The following ASB2 variants were observed in gnomAD, a reference collection of about 807,000 sequenced individuals.
The protein encoded by ASB2 is ankyrin repeat and SOCS box containing 2, also known as ankyrin repeat and SOCS box protein 2.
Under a neutral mutation model 62.4 loss-of-function variants are expected in ASB2, and 58 were observed. The observed-to-expected ratio is 0.93, with a 90% CI of 0.75 to 1.16. ASB2 has a LOEUF of 1.16. ASB2 is among the 50% of genes most tolerant of loss of function. ASB2 has a pLI of 0.00. For synonymous variants in ASB2, 386 were observed against 385.3 expected (o/e 1.00, Z -0.02); for missense variants, 928 against 887.9 (o/e 1.05, Z -0.57).
At position 93,937,854 on chromosome 14, in the gene ASB2, G is replaced by C. The variant is rs749193769; in HGVS notation, c.1618-3C>G. 1.3e-6 allele frequency: 2 copies of C among 1,591,834 alleles called. No individual in the cohort carries two copies. The highest frequency in any genetic ancestry group is 1.7e-6 in the Non-Finnish European group (2 of 1,161,834). On this transcript the variant is annotated splice_polypyrimidine_tract_variant and splice_region_variant and intron_variant, in intron 8 of 9. Transcript: ENST00000555019. ...GGGGCAGATACGAACTCACAGAACTGAAAGAGAACATGCCGGGACCAAGAA... is the reference window on the plus strand; with the variant it reads ...GGGGCAGATACGAACTCACAGAACTCAAAGAGAACATGCCGGGACCAAGAA...
chr14:93,964,617 G>A lies in ASB2; in HGVS notation c.-73-5C>T, dbSNP rs914056867. On this transcript the variant is annotated splice_polypyrimidine_tract_variant and splice_region_variant and intron_variant, in intron 1 of 9. Transcript: ENST00000555019. ...GGAACAGCAAATCAGAAAACCCTGTGAGGAAACCAAAACCATCCTGGTCAC... is the reference window on the plus strand; with the variant it reads ...GGAACAGCAAATCAGAAAACCCTGTAAGGAAACCAAAACCATCCTGGTCAC... 2.2e-6 allele frequency: 3 copies of A among 1,392,236 alleles called. No homozygotes were observed. The highest frequency in any genetic ancestry group is 3.9e-5 in the Admixed American group (2 of 50,638). 86.2% of individuals were successfully genotyped at this position (1,392,236 alleles called of 1,614,324 possible).
intron 2 of ASB2, chr14:93,957,561 C>T (rs1006829074): frequency 4.5e-6 from 1 of 223,152 alleles, no homozygotes; most frequent in Non-Finnish European, 7.5e-6. Context: ...GCCTTAGTCC[C>T]CGCTCCTGCA....
intron 6 of ASB2, among the ~76,000 whole-genome samples, chr14:93,949,741 C>G (rs1368713293): frequency 6.6e-6 from 1 of 152,116 alleles, no homozygotes; most frequent in Non-Finnish European, 1.5e-5. Context: ...CGGTGGGAGA[C>G]CTGGACAGAT....
In ASB2 at chr14:93,967,336, A is replaced by G. The variant is rs1889625170; in HGVS notation, c.-73-2724T>C. On this transcript the variant is annotated intron_variant, in intron 1 of 9. Coordinates refer to ENST00000555019, the MANE Select transcript of ASB2 (RefSeq NM_001202429.2). ...GGGGCTCTGCCCAGTGAGGTATGACACCCTTCTCTTCTCTAAAGCTGGTCT... is the reference window on the plus strand; with the variant it reads ...GGGGCTCTGCCCAGTGAGGTATGACGCCCTTCTCTTCTCTAAAGCTGGTCT... 2.5e-5 allele frequency among the ~76,000 whole-genome samples: 3 copies of G among 117,652 alleles called. No homozygotes were observed. The Admixed American group carries it at 2.7e-4, about 11-fold the overall frequency. The allele number at this position is 117,652 out of a possible 152,430, so 77.2% of individuals were successfully genotyped here. A position where few individuals can be genotyped will look rare whatever the true frequency, so the allele number is the denominator to read the frequency against.
intron 5 of ASB2, among the ~76,000 whole-genome samples, chr14:93,952,590 G>T (rs1300198712): frequency 1.3e-5 from 2 of 152,366 alleles, no homozygotes; most frequent in South Asian, 4.1e-4. Context: ...TGTAGTAGTT[G>T]AGGGCAGTGT....
intron 1 of ASB2, chr14:93,974,227 A>G (rs988208270): frequency 3.3e-5 from 5 of 152,022 alleles, no homozygotes; most frequent in Admixed American, 3.3e-4. Flanking sequence ...TCTATGTCCC[A>G]TTCTTTTTAA....
chr14:93,939,242 G>A lies in ASB2; in HGVS notation c.1483C>T (p.Leu495Phe). Residue 495 changes from leucine to phenylalanine, a missense_variant, in exon 8 of 10, where the codon CTC (leucine) becomes TTC (phenylalanine). Leu to Phe is a conservative substitution (Grantham distance 22). Transcript: ENST00000555019. ...AMKCLSLLKFLMDLGCDGEPC... is the reference protein window; with the variant it reads ...AMKCLSLLKFFMDLGCDGEPC... The stretch of plus-strand genomic sequence containing the variant: ...TCGCCGTCGCAGCCCAGGTCCATGA[G>A]GAACTTGAGCAGCGACAGGCACTTC... The A allele has an allele frequency of 3.1e-6, 5 of 1,610,002 alleles. No homozygotes were observed. The highest frequency in any genetic ancestry group is 4.2e-6 in the Non-Finnish European group (5 of 1,177,328).
intron 6 of ASB2, among the ~76,000 whole-genome samples, chr14:93,950,304 A>G (rs955727732): frequency 6.6e-6 from 1 of 152,174 alleles, no homozygotes; most frequent in Non-Finnish European, 1.5e-5. Context: ...CTTGGGGAAG[A>G]TCAGGATATA....
At chr14:93,957,319 G>T (rs1340026922) in intron 2 of ASB2, 1 of 1,057,724 alleles carries the variant, frequency 9.5e-7, no homozygotes, top group Non-Finnish European at 1.1e-6. Flanking sequence ...GAGGATAGGG[G>T]AGCAAAGCTG....
Position 93,956,668 on chromosome 14 carries a change from G to A in ASB2, c.311+98C>T, listed in dbSNP as rs1889220743. The A allele has an allele frequency of 1.0e-5, 16 of 1,526,938 alleles. 1 individual carries two copies. In the South Asian group the frequency reaches 1.7e-4, roughly 16 times the overall value. 94.6% of individuals were successfully genotyped at this position (1,526,938 alleles called of 1,614,324 possible). On this transcript the variant is annotated intron_variant, in intron 3 of 9. Transcript: ENST00000555019. ...GGCAGGTGCCTCCATAGTGCCCTCTGCCCTCCTGGGGGCTGTGGGCCTGCT... is the reference window on the plus strand; with the variant it reads ...GGCAGGTGCCTCCATAGTGCCCTCTACCCTCCTGGGGGCTGTGGGCCTGCT...
At chr14:93,967,866 A>C (rs1889639909) in intron 1 of ASB2, among the ~76,000 whole-genome samples, 1 of 152,128 alleles carries the variant, frequency 6.6e-6, no homozygotes, top group African/African-American at 2.4e-5. Context: ...TCAATTCTGC[A>C]ACTTACTAGC....
chr14:93,950,239 T>C (rs559210385), intron 6 of ASB2, among the ~76,000 whole-genome samples: 9 of 152,342 alleles, frequency 5.9e-5, no homozygotes, highest in African/African-American at 2.2e-4. Flanking sequence ...CTGGCTTCTC[T>C]GTTGCTAGAG....
At position 93,939,817 on chromosome 14, in the gene ASB2, GC is replaced by G. The variant is rs1888449616; in HGVS notation, c.1053-146del. On this transcript the variant is annotated intron_variant, in intron 7 of 9. Coordinates refer to ENST00000555019, the MANE Select transcript of ASB2 (RefSeq NM_001202429.2). The stretch of plus-strand genomic sequence containing the variant: ...GCGACGCGGATCCCACCGGCAGGGG[GC>G]GCCGCGGGTCAACCATTCTCACCCC... The G allele has an allele frequency of 1.2e-5, 7 of 602,518 alleles. No homozygotes were observed. The South Asian group carries it at 2.1e-4, about 18-fold the overall frequency. 37.3% of individuals were successfully genotyped at this position (602,518 alleles called of 1,614,324 possible). A position where few individuals can be genotyped will look rare whatever the true frequency, so the allele number is the denominator to read the frequency against.
intron 8 of ASB2, 90 bp downstream of exon 8, chr14:93,939,018 C>A: frequency 8.3e-7 from 1 of 1,209,966 alleles, no homozygotes; most frequent in Non-Finnish European, 1.1e-6. Context: ...GGAGCGCGAA[C>A]CACCCGGCCC....
chr14:93,945,619 C>T lies in ASB2; in HGVS notation c.1052+1730G>A, dbSNP rs143448172. ...TCCCAATGGCCTCAGCAGGGATTCACACCCAGATCTGTCAGCCTTGTGGAC... is the reference window on the plus strand; with the variant it reads ...TCCCAATGGCCTCAGCAGGGATTCATACCCAGATCTGTCAGCCTTGTGGAC... On this transcript the variant is annotated intron_variant, in intron 7 of 9. Coordinates refer to ENST00000555019, the MANE Select transcript of ASB2 (RefSeq NM_001202429.2). Among the ~76,000 whole-genome samples, 40 of 152,310 alleles carry T rather than the reference C, an allele frequency of 2.6e-4. No homozygotes were observed. The East Asian group carries it at 6.2e-3, about 23-fold the overall frequency.
chr14:93,961,480 A>C (rs952009267), intron 2 of ASB2, among the ~76,000 whole-genome samples: 1 of 152,218 alleles, frequency 6.6e-6, no homozygotes, highest in Non-Finnish European at 1.5e-5. Context: ...GAAGCAGAGA[A>C]ATAAATAAGA....
In ASB2 at chr14:93,939,542, C is replaced by T. The variant is rs1451536888; in HGVS notation, c.1183G>A (p.Val395Met). ...LEALLSARFD[V>M]NTPLAPERAR... Reference sequence around the variant, plus strand: ...CGCTCGGGGGCCAGCGGCGTGTTCACGTCGAAGCGCGCGCTCAGCAGCGCC... The same window carrying T: ...CGCTCGGGGGCCAGCGGCGTGTTCATGTCGAAGCGCGCGCTCAGCAGCGCC... Residue 395 changes from valine to methionine, a missense_variant, in exon 8 of 10, where the codon GTG (valine) becomes ATG (methionine). Val to Met is a conservative substitution (Grantham distance 21, BLOSUM62 1). Transcript: ENST00000555019. 3 of 1,600,922 alleles carry T rather than the reference C, an allele frequency of 1.9e-6. No individual in the cohort carries two copies. Among genetic ancestry groups the T allele is most frequent in the Non-Finnish European group, 2.6e-6 (3 of 1,175,146 alleles).
chr14:93,946,091 T>C (rs1199195257), intron 7 of ASB2, among the ~76,000 whole-genome samples: 2 of 152,242 alleles, frequency 1.3e-5, no homozygotes, highest in Non-Finnish European at 2.9e-5. Flanking sequence ...AGAGTATAGA[T>C]ATTTAAAATC....
At chr14:93,946,182 C>CT (rs1888713663) in intron 7 of ASB2, among the ~76,000 whole-genome samples, 1 of 152,206 alleles carries the variant, frequency 6.6e-6, no homozygotes, top group African/African-American at 2.4e-5. Context: ...AGTCCTAGCC[C>CT]TGGGGACGGG....
Sources: gnomAD v4.1 joint callset for allele counts (sites outside exome capture counted in the v4.1 genomes callset) on GRCh38, gnomAD v4.1.1 for gene constraint, MANE v1.5 for transcripts, NCBI Gene and HGNC (gene_info 2026-07-23, HGNC 2026-07-21) for gene names.